SHLD1: variants seen among roughly 807,000 people sequenced by gnomAD.
SHLD1 encodes shieldin complex subunit 1.
In SHLD1, 3 loss-of-function variants were observed where a neutral mutation model predicts 5.5. The observed-to-expected ratio is 0.54, with a 90% confidence interval of 0.25 to 1.40. SHLD1 has a LOEUF of 1.40. Among genes scored for constraint, SHLD1 ranks in the 40% most tolerant of loss-of-function variants. SHLD1 has a pLI of 0.15. For synonymous variants in SHLD1, 92 were observed against 94.3 expected (o/e 0.98, Z 0.14); for missense variants, 210 against 244.4 (o/e 0.86, Z 0.94).
Position 5,835,701 on chromosome 20 carries a change from T to C in SHLD1, c.179-27323T>C, listed in dbSNP as rs910493411. Reference sequence around the variant, plus strand: ...TCAACTCTGAGTCACTCTCTGAAATTACAGAAATTCAAAGAGAAGGATCTG... The same window carrying C: ...TCAACTCTGAGTCACTCTCTGAAATCACAGAAATTCAAAGAGAAGGATCTG... On this transcript the variant is annotated intron_variant, in intron 2 of 2. Coordinates refer to ENST00000303142, the MANE Select transcript of SHLD1 (RefSeq NM_152504.4). 3.3e-5 allele frequency among the ~76,000 whole-genome samples: 5 copies of C among 152,342 alleles called. No homozygotes were observed. In the South Asian group the frequency reaches 1.0e-3, roughly 32 times the overall value.
rs532713033 is a variant in SHLD1 at position 5,825,770 on chromosome 20, G to A, written c.179-37254G>A. Among the ~76,000 whole-genome samples the A allele has an allele frequency of 5.4e-4, 83 of 152,298 alleles. 1 individual carries two copies. The highest frequency in any genetic ancestry group is 1.9e-3 in the African/African-American group (81 of 41,556). Reference sequence around the variant, plus strand: ...AGAAAAAAGTAATAGGGTGTGCTGTGCTATTGTTACATTTATAAACCACTC... The same window carrying A: ...AGAAAAAAGTAATAGGGTGTGCTGTACTATTGTTACATTTATAAACCACTC... On this transcript the variant is annotated intron_variant, in intron 2 of 2. Coordinates refer to ENST00000303142, the MANE Select transcript of SHLD1 (RefSeq NM_152504.4).
At chr20:5,854,664 T>C (rs1017884534) in intron 2 of SHLD1, among the ~76,000 whole-genome samples, 2 of 152,174 alleles carry the variant, frequency 1.3e-5, no homozygotes, top group African/African-American at 4.8e-5. Context: ...TTAAAAAATA[T>C]GATAAAATGC....
intron 2 of SHLD1, among the ~76,000 whole-genome samples, chr20:5,802,296 G>A (rs905631756): frequency 1.3e-5 from 2 of 152,154 alleles, no homozygotes; most frequent in Admixed American, 6.6e-5. Flanking sequence ...TCCAGGCCCT[G>A]CTTTCCTGTT....
chr20:5,837,293 CT>C (rs1159984245), intron 2 of SHLD1, among the ~76,000 whole-genome samples: 4 of 152,228 alleles, frequency 2.6e-5, no homozygotes, highest in South Asian at 4.2e-4. Flanking sequence ...TCTCCAAAAC[CT>C]TTTTTTTCTT....
chr20:5,785,694 G>A (rs1316220614), intron 2 of SHLD1, among the ~76,000 whole-genome samples: 1 of 151,440 alleles, frequency 6.6e-6, no homozygotes, highest in Non-Finnish European at 1.5e-5. Flanking sequence ...TACTCGGGAG[G>A]CTGAGACAGG....
At chr20:5,753,291 A>G (rs1298146283) in intron 1 of SHLD1, among the ~76,000 whole-genome samples, 1 of 152,154 alleles carries the variant, frequency 6.6e-6, no homozygotes, top group Non-Finnish European at 1.5e-5. Context: ...ATAATTTGGT[A>G]TCTTTTTTAA....
chr20:5,811,578 G>A (rs1476135191), intron 2 of SHLD1, among the ~76,000 whole-genome samples: 1 of 152,112 alleles, frequency 6.6e-6, no homozygotes, highest in East Asian at 1.9e-4. Context: ...CCTGAGGCTG[G>A]GCATGGTGGC....
intron 1 of SHLD1, among the ~76,000 whole-genome samples, chr20:5,757,854 C>T (rs1984208593): frequency 6.6e-6 from 1 of 152,206 alleles, no homozygotes; most frequent in Non-Finnish European, 1.5e-5. Flanking sequence ...CCACCCGCCT[C>T]AGCCTCCCAA....
At chr20:5,849,334 C>T (rs1447344329) in intron 2 of SHLD1, among the ~76,000 whole-genome samples, 1 of 152,098 alleles carries the variant, frequency 6.6e-6, no homozygotes, top group Non-Finnish European at 1.5e-5. Flanking sequence ...AAGGTTTGTA[C>T]AGCTAGGAAG....
intron 2 of SHLD1, among the ~76,000 whole-genome samples, chr20:5,791,823 A>G (rs565584174): frequency 2.0e-4 from 30 of 152,274 alleles, no homozygotes; most frequent in African/African-American, 7.0e-4. Flanking sequence ...TTTACAGGTC[A>G]ATACACAATT....
chr20:5,846,200 CT>C (rs1218637031), intron 2 of SHLD1, among the ~76,000 whole-genome samples: 7 of 152,114 alleles, frequency 4.6e-5, no homozygotes, highest in South Asian at 2.1e-4. Context: ...CAAATATTGA[CT>C]TGTTGATTTG....
chr20:5,837,257 G>T (rs1386392112), intron 2 of SHLD1, among the ~76,000 whole-genome samples: 1 of 152,094 alleles, frequency 6.6e-6, no homozygotes, highest in Non-Finnish European at 1.5e-5. Flanking sequence ...CCTCCCCTCC[G>T]CCCACCACCT....
intron 2 of SHLD1, among the ~76,000 whole-genome samples, chr20:5,784,640 C>T (rs549128950): frequency 5.9e-5 from 9 of 152,006 alleles, no homozygotes; most frequent in East Asian, 1.9e-4. Flanking sequence ...TTAGTAGAGA[C>T]GGGGTTTCAC....
intron 2 of SHLD1, among the ~76,000 whole-genome samples, chr20:5,838,999 A>T (rs890326853): frequency 9.2e-5 from 14 of 152,200 alleles, no homozygotes; most frequent in African/African-American, 9.7e-5. Context: ...GAAGATATCT[A>T]TCATTTCCTC....
intron 2 of SHLD1, among the ~76,000 whole-genome samples, chr20:5,862,486 A>G (rs1045230534): frequency 5.3e-5 from 8 of 152,244 alleles, no homozygotes; most frequent in African/African-American, 1.9e-4. Context: ...GCCATCCAGG[A>G]GTGCCCTGTT....
intron 2 of SHLD1, among the ~76,000 whole-genome samples, chr20:5,784,824 T>G (rs2087038420): frequency 6.6e-6 from 1 of 152,202 alleles, no homozygotes; most frequent in African/African-American, 2.4e-5. Context: ...CTCTTAAGTT[T>G]CAAGGGCACG....
rs1056647477 is a variant in SHLD1, at chr20:5,784,650, C to T, written c.178+11607C>T. The stretch of plus-strand genomic sequence containing the variant: ...TATTTTTAGTAGAGACGGGGTTTCA[C>T]CGTGTTAGCCAGGTTGGTCTCGATC... On this transcript the variant is annotated intron_variant, in intron 2 of 2. Transcript: ENST00000303142. Among the ~76,000 whole-genome samples the T allele has an allele frequency of 5.3e-5, 8 of 152,054 alleles. No homozygotes were observed. In the South Asian group the frequency reaches 1.7e-3, roughly 32 times the overall value.
At chr20:5,758,357 G>A (rs1450358494) in intron 1 of SHLD1, among the ~76,000 whole-genome samples, 5 of 120,332 alleles carry the variant, frequency 4.2e-5, no homozygotes, top group Non-Finnish European at 7.0e-5. Context: ...GGAGGGGAAG[G>A]AGAGGGGGAG....
At chr20:5,836,063 A>T (rs186685123) in intron 2 of SHLD1, among the ~76,000 whole-genome samples, 23 of 147,116 alleles carry the variant, frequency 1.6e-4, no homozygotes, top group Non-Finnish European at 3.0e-4. Context: ...TTTTCTGTCT[A>T]TTTTTTTTTC....
Sources: allele counts gnomAD v4.1 joint callset (sites outside exome capture counted in the v4.1 genomes callset), GRCh38; gene constraint gnomAD v4.1.1; transcripts MANE v1.5; gene names NCBI Gene and HGNC (gene_info 2026-07-23, HGNC 2026-07-21).